The following LRP5 variants were observed in gnomAD, a reference collection of about 807,000 sequenced individuals.
The protein encoded by LRP5 is low-density lipoprotein receptor-related protein 5.
LRP5 carries 62 observed loss-of-function variants against 154.1 expected under a neutral mutation model. The ratio of observed to expected loss-of-function variants is 0.40; its 90% CI spans 0.33 to 0.50. The LOEUF (loss-of-function observed/expected upper bound fraction) is 0.50. Among genes scored for constraint, LRP5 ranks in the 20% least tolerant of loss-of-function variants. The probability of loss-of-function intolerance (pLI) is 0.55; values close to 1 mark genes in which losing one functional copy is unlikely to be tolerated. For missense variants in LRP5, 1,915 were observed against 2,336.7 expected, an observed-to-expected ratio of 0.82 and a Z score of 3.72; for synonymous variants, 966 against 1,011.5, an observed-to-expected ratio of 0.96 and a Z score of 0.85.
At chr11:68,299,605 T>C in the LRP5 span, among the ~76,000 whole-genome samples, 27 of 148,170 alleles carry the variant, frequency 1.8e-4, no homozygotes, top group African/African-American at 6.5e-4. Flanking sequence ...TTTTTTTTTT[T>C]GAGACAGAGT....
Position 68,386,532 on chromosome 11 carries a change from T to C in LRP5, c.1232T>C (p.Val411Ala). 6.2e-7 allele frequency: 1 copy of C among 1,613,364 alleles called. No individual in the cohort carries two copies. Among genetic ancestry groups the C allele is most frequent in the Non-Finnish European group, 8.5e-7 (1 of 1,179,812 alleles). ...YLDGSGAQTL[V>A]NTEINDPDGI... Reference sequence around the variant, plus strand: ...GACGGGTCTGGGGCGCAGACGCTGGTCAACACCGAGATCAACGACCCCGAT... The same window carrying C: ...GACGGGTCTGGGGCGCAGACGCTGGCCAACACCGAGATCAACGACCCCGAT... The change falls in exon 6 of 23, where the codon GTC becomes GCC. Residue 411 changes from valine (V) to alanine (A), a missense_variant. By Grantham distance (64) the Val-to-Ala change is moderately conservative. Coordinates refer to ENST00000294304, the MANE Select transcript of LRP5 (RefSeq NM_002335.4). This position sits in a 1 kb window ranked among gnomAD's most constrained non-coding sequence, Gnocchi z 7.9.
intron 5 of LRP5, among the ~76,000 whole-genome samples, chr11:68,380,088 G>A (rs8181502): frequency 0.17 from 25,473 of 152,184 alleles, 2,172 homozygotes; most frequent in Non-Finnish European, 0.19. Flanking sequence ...AGTCGAGATC[G>A]CGCCACTGCA....
intron 12 of LRP5, 145 bp from the exon 13 acceptor site, chr11:68,416,183 A>G (rs2098662448): frequency 1.4e-6 from 1 of 713,530 alleles, no homozygotes; most frequent in Admixed American, 2.0e-5. Context: ...CCCCCAAGAG[A>G]CAGCCCTGGT....
At chr11:68,409,073 A>ATATATATATATATATAT (rs1200045346) in intron 9 of LRP5, among the ~76,000 whole-genome samples, 1 of 44,180 alleles carries the variant, frequency 2.3e-5, no homozygotes, top group African/African-American at 1.3e-4. Context: ...AAAAAAAAAA[A>ATATATATATATATATAT]ATATATATAT....
intron 4 of LRP5, 137 bp from the exon 5 acceptor site, chr11:68,365,434 A>G: frequency 1.5e-6 from 2 of 1,292,616 alleles, no homozygotes; most frequent in African/African-American, 1.5e-5. Context: ...GAGGTCCCTG[A>G]TGCCACTTGA....
chr11:68,439,928 G>C lies in LRP5; in HGVS notation c.4488+12G>C. 1 of 1,531,922 alleles carries C rather than the reference G, an allele frequency of 6.5e-7. No individual in the cohort carries two copies. Among genetic ancestry groups the C allele is most frequent in the Non-Finnish European group, 8.8e-7 (1 of 1,138,724 alleles). The allele number at this position is 1,531,922 out of a possible 1,614,324, so 94.9% of individuals were successfully genotyped here. A position where few individuals can be genotyped will look rare whatever the true frequency, so the allele number is the denominator to read the frequency against. On this transcript the variant is annotated intron_variant, in intron 21 of 22. Coordinates refer to ENST00000294304, the MANE Select transcript of LRP5 (RefSeq NM_002335.4). ...CGCTGTACCCGCCGGTGAGGGGCGG[G>C]GCCGGGGAGGGGCGGGGCGGGATGG...
At chr11:68,397,265 C>T (rs953820401) in intron 7 of LRP5, among the ~76,000 whole-genome samples, 11 of 152,204 alleles carry the variant, frequency 7.2e-5, no homozygotes, top group South Asian at 2.1e-4. Context: ...CTTCTCTCCT[C>T]TGCCCCGCCA....
Position 68,375,017 on chromosome 11 carries a change from G to A in LRP5, c.1015+9315G>A, listed in dbSNP as rs183560400. On this transcript the variant is annotated intron_variant, in intron 5 of 22. Coordinates refer to ENST00000294304, the MANE Select transcript of LRP5 (RefSeq NM_002335.4). ...GACTGCAGCATAAGCCCAGCTCCAT[G>A]CGGACCCCAGACCAGCTCCGCAGCT... Among the ~76,000 whole-genome samples, 776 of 152,300 alleles carry A rather than the reference G, an allele frequency of 5.1e-3. 10 individuals carry two copies. The highest frequency in any genetic ancestry group is 0.018 in the African/African-American group (735 of 41,574).
intron 1 of LRP5, among the ~76,000 whole-genome samples, chr11:68,313,088 G>A (rs2098589821): frequency 6.7e-6 from 1 of 148,308 alleles, no homozygotes; most frequent in African/African-American, 2.5e-5. Flanking sequence ...TCACCTGCCC[G>A]AGCCCGCGGG....
chr11:68,342,835 G>A (rs542895462), intron 1 of LRP5, among the ~76,000 whole-genome samples: 5 of 152,356 alleles, frequency 3.3e-5, no homozygotes, highest in Admixed American at 2.6e-4. Context: ...AGTGTAAACC[G>A]TGGTGAAATG....
chr11:68,373,422 G>A (rs1345395730), intron 5 of LRP5, among the ~76,000 whole-genome samples: 1 of 152,140 alleles, frequency 6.6e-6, no homozygotes, highest in African/African-American at 2.4e-5. Flanking sequence ...GTGCCTTCAA[G>A]GTGGCACTAT....
At chr11:68,340,142 A>T (rs1199538342) in intron 1 of LRP5, among the ~76,000 whole-genome samples, 1 of 152,174 alleles carries the variant, frequency 6.6e-6, no homozygotes, top group Non-Finnish European at 1.5e-5. Context: ...CAGGAGACTG[A>T]GGTGGGAGAA....
intron 17 of LRP5, among the ~76,000 whole-genome samples, chr11:68,431,332 TG>T (rs2098671793): frequency 6.8e-6 from 1 of 146,778 alleles, no homozygotes; most frequent in South Asian, 2.2e-4. Flanking sequence ...CTCTACCTCC[TG>T]GGTTCAAGTG....
chr11:68,392,953 C>T (rs1328561976), intron 7 of LRP5, among the ~76,000 whole-genome samples: 1 of 152,012 alleles, frequency 6.6e-6, no homozygotes, highest in African/African-American at 2.4e-5. Context: ...TAGCAAGACC[C>T]CAGCTACCAA....
At chr11:68,364,611 G>C (rs2098629919) in intron 4 of LRP5, among the ~76,000 whole-genome samples, 1 of 152,164 alleles carries the variant, frequency 6.6e-6, no homozygotes, top group African/African-American at 2.4e-5. Context: ...AGAGGTCCCT[G>C]ATGGGGAAAT....
intron 2 of LRP5, among the ~76,000 whole-genome samples, chr11:68,356,771 T>A (rs1389963138): frequency 6.6e-6 from 1 of 152,116 alleles, no homozygotes; most frequent in African/African-American, 2.4e-5. Flanking sequence ...CATTCATCCC[T>A]CTCCTCTCCA....
In LRP5 at chr11:68,386,359, G is replaced by A. The variant is rs1183298296; in HGVS notation, c.1059G>A (p.Arg353=). Residue 353 remains arginine (R), a synonymous_variant, in exon 6 of 23, where the codon CGG becomes CGA. Coordinates refer to ENST00000294304, the MANE Select transcript of LRP5 (RefSeq NM_002335.4). The surrounding 1 kb of genome is among the most constrained non-coding windows in gnomAD (Gnocchi z 7.9). ...TGCTGGCCCGGCGGACGGACCTACGGAGGATCTCGCTGGACACGCCGGACT... is the reference window on the plus strand; with the variant it reads ...TGCTGGCCCGGCGGACGGACCTACGAAGGATCTCGCTGGACACGCCGGACT... ...VLLLARRTDL[R]RISLDTPDFT... 2.5e-6 allele frequency: 4 copies of A among 1,613,412 alleles called. No individual in the cohort carries two copies. The highest frequency in any genetic ancestry group is 1.3e-5 in the African/African-American group (1 of 75,046).
chr11:68,328,838 G>A (rs1231725377), intron 1 of LRP5, among the ~76,000 whole-genome samples: 2 of 152,170 alleles, frequency 1.3e-5, no homozygotes, highest in Admixed American at 1.3e-4. Context: ...TCAAATGCTG[G>A]TCCCCACCCA....
rs761851629 is a variant in LRP5 at position 68,357,833 on chromosome 11, G to A, written c.672G>A (p.Leu224=). Residue 224 remains leucine, a synonymous_variant, in exon 3 of 23, where the codon CTG becomes CTA. Coordinates refer to ENST00000294304, the MANE Select transcript of LRP5 (RefSeq NM_002335.4). ...AKLSFIHRAN[L]DGSFRQKVVE... ...TCAGCTTCATCCACCGTGCCAACCT[G>A]GACGGCTCGTTCCGGTAGGTACCCA... is the stretch of plus-strand genomic sequence containing the variant. The A allele has an allele frequency of 6.2e-7, 1 of 1,612,706 alleles. No individual in the cohort carries two copies. Among genetic ancestry groups the A allele is most frequent in the Admixed American group, 1.7e-5 (1 of 59,918 alleles).
Sources: allele counts gnomAD v4.1 joint callset (sites outside exome capture counted in the v4.1 genomes callset), GRCh38; gene constraint gnomAD v4.1.1; non-coding constraint Gnocchi (gnomAD v3.1); transcripts MANE v1.5; gene names NCBI Gene and HGNC (gene_info 2026-07-23, HGNC 2026-07-21).